The following CPLX4 variants were observed in gnomAD, a reference collection of about 807,000 sequenced individuals.
CPLX4 encodes complexin 4.
CPLX4 carries 17 observed loss-of-function variants against 16.1 expected under a neutral mutation model. The ratio of observed to expected loss-of-function variants is 1.06; its 90% CI spans 0.72 to 1.59. The LOEUF (loss-of-function observed/expected upper bound fraction) is 1.59. Among genes scored for constraint, CPLX4 ranks in the 40% most tolerant of loss-of-function variants. CPLX4 has a pLI of 0.00. For synonymous variants in CPLX4, 55 were observed against 57.8 expected (o/e 0.95, Z 0.22); for missense variants, 193 against 192.9 (o/e 1.00, Z 0.00).
chr18:59,304,889 C>A (rs1001031988), intron 2 of CPLX4, among the ~76,000 whole-genome samples: 1 of 149,956 alleles, frequency 6.7e-6, no homozygotes, highest in Non-Finnish European at 1.5e-5. Flanking sequence ...TCTTTCTTTT[C>A]TTTTTCCCCA....
intron 2 of CPLX4, among the ~76,000 whole-genome samples, chr18:59,309,442 A>T (rs1318369844): frequency 6.6e-6 from 1 of 152,244 alleles, no homozygotes; most frequent in Non-Finnish European, 1.5e-5. Context: ...CCGTTAGACA[A>T]CACAGGAGAA....
At chr18:59,306,028 C>T (rs1398077157) in intron 2 of CPLX4, among the ~76,000 whole-genome samples, 1 of 152,148 alleles carries the variant, frequency 6.6e-6, no homozygotes, top group Non-Finnish European at 1.5e-5. Context: ...AAGGGAACCA[C>T]TTACTGTATT....
intron 1 of CPLX4, among the ~76,000 whole-genome samples, chr18:59,313,876 T>G (rs1001716126): frequency 6.6e-6 from 1 of 152,224 alleles, no homozygotes; most frequent in African/African-American, 2.4e-5. Flanking sequence ...ACGTGAGGCC[T>G]GATGGGAATT....
chr18:59,301,465 G>C (rs966080773), intron 2 of CPLX4, among the ~76,000 whole-genome samples: 5 of 152,252 alleles, frequency 3.3e-5, no homozygotes, highest in African/African-American at 1.2e-4. Context: ...CCCTCCACCA[G>C]AGCATGGCTG....
intron 2 of CPLX4, among the ~76,000 whole-genome samples, chr18:59,305,205 A>G (rs893194438): frequency 3.9e-5 from 6 of 152,128 alleles, no homozygotes; most frequent in African/African-American, 1.2e-4. Flanking sequence ...TCTTACAGAA[A>G]GCAAAGGCCA....
intron 2 of CPLX4, among the ~76,000 whole-genome samples, chr18:59,303,536 T>A (rs2070555971): frequency 6.6e-6 from 1 of 152,050 alleles, no homozygotes; most frequent in African/African-American, 2.4e-5. Flanking sequence ...GCCAGAAGGG[T>A]CTAGCAAGAA....
intron 2 of CPLX4, among the ~76,000 whole-genome samples, chr18:59,309,838 AAAAAG>A (rs1397051151): frequency 4.4e-5 from 5 of 113,384 alleles, no homozygotes; most frequent in South Asian, 2.9e-4. Flanking sequence ...AAAAAAAAAA[AAAAAG>A]AAAAAGAAAA....
chr18:59,302,586 A>G (rs1411308482), intron 2 of CPLX4, among the ~76,000 whole-genome samples: 1 of 152,236 alleles, frequency 6.6e-6, no homozygotes, highest in Non-Finnish European at 1.5e-5. Context: ...GCTGATGAGA[A>G]TCCGTTTTAA....
chr18:59,315,278 T>A (rs960519251), intron 1 of CPLX4, among the ~76,000 whole-genome samples: 79 of 152,346 alleles, frequency 5.2e-4, no homozygotes, highest in African/African-American at 1.9e-3. Flanking sequence ...CAGCTAATGA[T>A]ATTAAGCAGC....
In CPLX4 at chr18:59,317,922, T is replaced by A. The variant is rs553208908; in HGVS notation, c.167+374A>T. ...GTCTGAATTCTTACAATTTGAAGAC[T>A]TTCTACGTGCTAAGAGGGTGAAGTT... On this transcript the variant is annotated intron_variant, in intron 1 of 2. Coordinates refer to ENST00000299721, the MANE Select transcript of CPLX4 (RefSeq NM_181654.4). 1.1e-4 allele frequency among the ~76,000 whole-genome samples: 16 copies of A among 152,204 alleles called. No homozygotes were observed. The South Asian group carries it at 3.1e-3, about 30-fold the overall frequency.
At chr18:59,302,264 G>A (rs55955884) in intron 2 of CPLX4, among the ~76,000 whole-genome samples, 3,857 of 152,286 alleles carry the variant, frequency 0.025, 92 homozygotes, top group East Asian at 0.11. Flanking sequence ...GGGAGACCAG[G>A]AATATTTGGA....
At chr18:59,317,289 A>C (rs1373989451) in intron 1 of CPLX4, among the ~76,000 whole-genome samples, 1 of 152,160 alleles carries the variant, frequency 6.6e-6, no homozygotes. Flanking sequence ...CAAAAAAGAA[A>C]TACTTTTCTT....
intron 2 of CPLX4, among the ~76,000 whole-genome samples, chr18:59,302,971 G>A (rs370906350): frequency 1.3e-5 from 2 of 152,236 alleles, no homozygotes; most frequent in Admixed American, 6.5e-5. Flanking sequence ...GATACCAAAA[G>A]CTAGAAGAAT....
At chr18:59,315,591 T>C (rs1407569393) in intron 1 of CPLX4, among the ~76,000 whole-genome samples, 3 of 152,240 alleles carry the variant, frequency 2.0e-5, no homozygotes, top group Non-Finnish European at 2.9e-5. Flanking sequence ...ATCTGGGTCA[T>C]GATACAGAAA....
intron 1 of CPLX4, among the ~76,000 whole-genome samples, chr18:59,317,890 G>A (rs879881073): frequency 1.3e-5 from 2 of 151,286 alleles, no homozygotes; most frequent in Non-Finnish European, 2.9e-5. Flanking sequence ...CCTTTTCTAG[G>A]TATAAGGTCT....
chr18:59,295,594 TG>T lies in CPLX4; in HGVS notation c.*1103del, dbSNP rs2070493791. On this transcript the variant is annotated 3_prime_UTR_variant, in exon 3 of 3. Transcript: ENST00000299721. The stretch of plus-strand genomic sequence containing the variant: ...AAAAAAAAAAAAAAAATCAGTATTT[TG>T]TTTTGGTTTGGTGGGCTTTAGCTAA... 1 of 152,018 alleles carries T rather than the reference TG, an allele frequency of 6.6e-6. No homozygotes were observed. The highest frequency in any genetic ancestry group is 1.5e-5 in the Non-Finnish European group (1 of 68,002). The allele number at this position is 152,018 out of a possible 1,614,324, so 9.4% of individuals were successfully genotyped here. A position where few individuals can be genotyped will look rare whatever the true frequency, so the allele number is the denominator to read the frequency against.
In CPLX4 at chr18:59,296,327, C is replaced by A; in HGVS notation, c.*371G>T. ...CTCTCTGAAGGGACCTGGTGTCCTG[C>A]GAATAGTTGGACAGGGTGAGAACTT... On this transcript the variant is annotated 3_prime_UTR_variant, in exon 3 of 3. Transcript: ENST00000299721. The A allele has an allele frequency of 3.6e-6, 1 of 277,960 alleles. No individual in the cohort carries two copies. The highest frequency in any genetic ancestry group is 6.8e-6 in the Non-Finnish European group (1 of 147,498). 17.2% of individuals were successfully genotyped at this position (277,960 alleles called of 1,614,324 possible). A position where few individuals can be genotyped will look rare whatever the true frequency, so the allele number is the denominator to read the frequency against.
chr18:59,302,274 A>G (rs2070547024), intron 2 of CPLX4, among the ~76,000 whole-genome samples: 1 of 152,198 alleles, frequency 6.6e-6, no homozygotes, highest in African/African-American at 2.4e-5. Context: ...GAATATTTGG[A>G]CACAGTTCAC....
At chr18:59,310,449 A>G (rs893936505) in intron 2 of CPLX4, among the ~76,000 whole-genome samples, 4 of 152,160 alleles carry the variant, frequency 2.6e-5, no homozygotes, top group African/African-American at 7.2e-5. Context: ...AAGGGTGTTC[A>G]CCCCTGAAGA....
Sources: gnomAD v4.1 joint callset for allele counts (sites outside exome capture counted in the v4.1 genomes callset) on GRCh38, gnomAD v4.1.1 for gene constraint, MANE v1.5 for transcripts, NCBI Gene and HGNC (gene_info 2026-07-23, HGNC 2026-07-21) for gene names.